Variants in PMFBP1 observed in about 807,000 individuals in gnomAD.
PMFBP1 encodes polyamine modulated factor 1 binding protein 1, also known as polyamine-modulated factor 1-binding protein 1.
PMFBP1 carries 131 observed loss-of-function variants against 137.8 expected under a neutral mutation model. The ratio of observed to expected loss-of-function variants is 0.95; its 90% confidence interval spans 0.82 to 1.10. The LOEUF (loss-of-function observed/expected upper bound fraction) is 1.10, where lower values mean the gene tolerates loss of function less well. Among genes scored for constraint, PMFBP1 ranks in the 50% least tolerant of loss-of-function variants. PMFBP1 has a pLI of 0.00. For synonymous variants in PMFBP1, 490 were observed against 450.4 expected (o/e 1.09, Z -1.11); for missense variants, 1,199 against 1,175.4 (o/e 1.02, Z -0.29).
chr16:72,136,680 A>C lies in PMFBP1; in HGVS notation c.1045+13T>G. 6.2e-7 allele frequency: 1 copy of C among 1,614,096 alleles called. No individual in the cohort carries two copies. The highest frequency in any genetic ancestry group is 8.5e-7 in the Non-Finnish European group (1 of 1,180,000). On this transcript the variant is annotated intron_variant, in intron 8 of 20. Coordinates refer to ENST00000237353, the MANE Select transcript of PMFBP1 (RefSeq NM_031293.3). Reference sequence around the variant, plus strand: ...TTCTGGCTCCCCTGCCACAGCCTGCAGCCCCAGTTTACCCTTCATGATGTT... The same window carrying C: ...TTCTGGCTCCCCTGCCACAGCCTGCCGCCCCAGTTTACCCTTCATGATGTT...
At chr16:72,183,835 G>A in the PMFBP1 span, among the ~76,000 whole-genome samples, 1 of 151,950 alleles carries the variant, frequency 6.6e-6, no homozygotes, top group East Asian at 1.9e-4. Context: ...TGAATTGTTC[G>A]CATTTGCTGC....
At chr16:72,120,151 T>C in intron 19 of PMFBP1, 62 bp from the exon 20 acceptor site, 1 of 1,610,760 alleles carries the variant, frequency 6.2e-7, no homozygotes, top group Non-Finnish European at 8.5e-7. Flanking sequence ...GGTTCCCTGC[T>C]AGAAAGGACA....
At chr16:72,169,908 T>C (rs191776082) in intron 2 of PMFBP1, among the ~76,000 whole-genome samples, 16 of 152,254 alleles carry the variant, frequency 1.1e-4, no homozygotes, top group African/African-American at 3.9e-4. Flanking sequence ...AGATTAGTGT[T>C]TGCCATAAAA....
the PMFBP1 span, among the ~76,000 whole-genome samples, chr16:72,245,817 C>G: frequency 6.6e-6 from 1 of 152,202 alleles, no homozygotes; most frequent in African/African-American, 2.4e-5. Flanking sequence ...TCTCTCCAAC[C>G]ATTTCCTTGA....
chr16:72,119,227 G>T lies in PMFBP1; in HGVS notation c.*111C>A. 8.0e-7 allele frequency: 1 copy of T among 1,250,060 alleles called. No homozygotes were observed. Among genetic ancestry groups the T allele is most frequent in the Non-Finnish European group, 1.2e-6 (1 of 860,526 alleles). The allele number at this position is 1,250,060 out of a possible 1,614,324, so 77.4% of individuals were successfully genotyped here. A position where few individuals can be genotyped will look rare whatever the true frequency, so the allele number is the denominator to read the frequency against. The stretch of plus-strand genomic sequence containing the variant: ...GTGTCTTGCAAAATAGGCTGGGACC[G>T]TGATATACTCCTGTAAGAGCTGATC... On this transcript the variant is annotated 3_prime_UTR_variant, in exon 21 of 21. Transcript: ENST00000237353.
chr16:72,220,110 G>C, the PMFBP1 span, among the ~76,000 whole-genome samples: 2 of 152,158 alleles, frequency 1.3e-5, no homozygotes, highest in Non-Finnish European at 2.9e-5. Context: ...ATAACTCTTT[G>C]AAAAGTAACT....
At chr16:72,128,859 C>T in intron 13 of PMFBP1, 65 bp from the exon 14 acceptor site, 2 of 1,596,324 alleles carry the variant, frequency 1.3e-6, no homozygotes, top group South Asian at 1.1e-5. Context: ...TATAAAAGCC[C>T]CACTCCACCC....
chr16:72,249,477 T>C, the PMFBP1 span, among the ~76,000 whole-genome samples: 1 of 152,160 alleles, frequency 6.6e-6, no homozygotes, highest in Non-Finnish European at 1.5e-5. Context: ...TAGTTTTTTT[T>C]AACCTTTAAA....
At chr16:72,228,027 T>G in the PMFBP1 span, among the ~76,000 whole-genome samples, 1 of 152,202 alleles carries the variant, frequency 6.6e-6, no homozygotes, top group African/African-American at 2.4e-5. Flanking sequence ...TCTGTTATGC[T>G]TACTCCTGTG....
At chr16:72,146,801 G>A (rs928474644) in intron 5 of PMFBP1, among the ~76,000 whole-genome samples, 3 of 152,040 alleles carry the variant, frequency 2.0e-5, no homozygotes, top group African/African-American at 7.2e-5. Flanking sequence ...AAAATACCTA[G>A]GAATCCAACT....
chr16:72,159,574 A>T (rs2043031125), intron 3 of PMFBP1, among the ~76,000 whole-genome samples: 2 of 152,230 alleles, frequency 1.3e-5, no homozygotes, highest in South Asian at 4.1e-4. Context: ...AATTTTAAAC[A>T]TTTGCACACT....
the PMFBP1 span, among the ~76,000 whole-genome samples, chr16:72,232,305 C>G: frequency 6.6e-6 from 1 of 152,160 alleles, no homozygotes; most frequent in Non-Finnish European, 1.5e-5. Context: ...CTGTCAAGCA[C>G]AAGCTATATG....
chr16:72,232,306 A>T, the PMFBP1 span, among the ~76,000 whole-genome samples: 1 of 152,184 alleles, frequency 6.6e-6, no homozygotes, highest in South Asian at 2.1e-4. Flanking sequence ...TGTCAAGCAC[A>T]AGCTATATGC....
the PMFBP1 span, among the ~76,000 whole-genome samples, chr16:72,200,056 C>G: frequency 1.3e-5 from 2 of 152,224 alleles, no homozygotes; most frequent in East Asian, 1.9e-4. Context: ...AGGGAGAAAA[C>G]TACATGGCAA....
the PMFBP1 span, among the ~76,000 whole-genome samples, chr16:72,209,780 G>A: frequency 6.6e-6 from 1 of 152,112 alleles, no homozygotes; most frequent in African/African-American, 2.4e-5. Context: ...ACCCATACAC[G>A]AGAAGTGACA....
chr16:72,117,089 G>A (rs2042315938), downstream of PMFBP1, among the ~76,000 whole-genome samples: 1 of 148,564 alleles, frequency 6.7e-6, no homozygotes, highest in Admixed American at 6.7e-5. Context: ...TGAATCTGTA[G>A]ATCACTTTGT....
At chr16:72,200,723 T>C in the PMFBP1 span, among the ~76,000 whole-genome samples, 3 of 152,268 alleles carry the variant, frequency 2.0e-5, no homozygotes, top group Non-Finnish European at 4.4e-5. Context: ...CTTACAGCTT[T>C]TCAAAGTACT....
chr16:72,128,864 C>A, intron 13 of PMFBP1, 70 bp from the exon 14 acceptor site: 1 of 1,591,572 alleles, frequency 6.3e-7, no homozygotes, highest in Non-Finnish European at 8.6e-7. Flanking sequence ...AAGCCCCACT[C>A]CACCCTCCCT....
At chr16:72,177,287 T>C (rs1340426073), upstream of PMFBP1, among the ~76,000 whole-genome samples, 1 of 152,238 alleles carries the variant, frequency 6.6e-6, no homozygotes, top group East Asian at 1.9e-4. Context: ...ACATGTCACA[T>C]TAACTCTTGT....
Sources: gnomAD v4.1 joint callset for allele counts (sites outside exome capture counted in the v4.1 genomes callset) on GRCh38, gnomAD v4.1.1 for gene constraint, MANE v1.5 for transcripts, NCBI Gene and HGNC (gene_info 2026-07-23, HGNC 2026-07-21) for gene names.